The following KIRREL3 variants were observed in gnomAD, a reference collection of about 807,000 sequenced individuals.
KIRREL3 encodes the protein kirre like nephrin family adhesion molecule 3.
KIRREL3 carries 36 observed loss-of-function variants against 89.7 expected under a neutral mutation model. The ratio of observed to expected loss-of-function variants is 0.40; its 90% CI spans 0.31 to 0.53. The LOEUF is 0.53. KIRREL3 is among the 20% of genes least tolerant of loss of function. The probability of loss-of-function intolerance (pLI) is 0.49; values close to 1 mark genes in which losing one functional copy is unlikely to be tolerated. For synonymous variants in KIRREL3, 445 were observed against 441.4 expected (o/e 1.01, Z -0.10); for missense variants, 864 against 1,056.6 (o/e 0.82, Z 2.53).
intron 1 of KIRREL3, among the ~76,000 whole-genome samples, chr11:126,661,713 AG>A (rs1334294379): frequency 6.6e-6 from 1 of 152,214 alleles, no homozygotes; most frequent in African/African-American, 2.4e-5. Context: ...GAATCACCTG[AG>A]GGAGCTAGAA....
rs1220336317 is a variant in KIRREL3, at chr11:126,530,977, C to T, written c.134-4290G>A. 6.6e-6 allele frequency among the ~76,000 whole-genome samples: 1 copy of T among 152,070 alleles called. No individual in the cohort carries two copies. The highest frequency in any genetic ancestry group is 1.5e-5 in the Non-Finnish European group (1 of 68,032). ...TCTTGAGTAGCTGGGATTACAGGCA[C>T]TCACCACCATGTCTGGTAATTTTTG... On this transcript the variant is annotated intron_variant, in intron 2 of 16. Coordinates refer to ENST00000525144, the MANE Select transcript of KIRREL3 (RefSeq NM_032531.4). The surrounding 1 kb of genome is among the most constrained non-coding windows in gnomAD (Gnocchi z 5.8).
chr11:126,556,021 C>T (rs1036694228), intron 2 of KIRREL3, among the ~76,000 whole-genome samples: 8 of 152,342 alleles, frequency 5.3e-5, no homozygotes, highest in South Asian at 2.1e-4. Context: ...GGATTATAGG[C>T]GTGAGCCACC....
chr11:126,547,335 T>C (rs908922122), intron 2 of KIRREL3, among the ~76,000 whole-genome samples: 1 of 152,262 alleles, frequency 6.6e-6, no homozygotes, highest in African/African-American at 2.4e-5. Flanking sequence ...TGAGAAGTTC[T>C]GCAGGAAAGA....
At chr11:126,436,047 C>T (rs1955319368) in intron 12 of KIRREL3, among the ~76,000 whole-genome samples, 1 of 152,224 alleles carries the variant, frequency 6.6e-6, no homozygotes, top group Non-Finnish European at 1.5e-5. Flanking sequence ...GGCTCCCCAT[C>T]CTGTTGTCTG....
In KIRREL3 at chr11:126,555,933, G is replaced by A. The variant is rs1939675130; in HGVS notation, c.133+6902C>T. 6.6e-6 allele frequency among the ~76,000 whole-genome samples: 1 copy of A among 152,036 alleles called. No homozygotes were observed. Among genetic ancestry groups the A allele is most frequent in the Admixed American group, 6.6e-5 (1 of 15,266 alleles). ...TTTTTTGTGTTTTTGGTAGAGGTGG[G>A]GTTTCACTATTTTGGCCAGGCTGGT... is the stretch of plus-strand genomic sequence containing the variant. On this transcript the variant is annotated intron_variant, in intron 2 of 16. Coordinates refer to ENST00000525144, the MANE Select transcript of KIRREL3 (RefSeq NM_032531.4). The surrounding 1 kb of genome is among the most constrained non-coding windows in gnomAD (Gnocchi z 4.2).
intron 1 of KIRREL3, among the ~76,000 whole-genome samples, chr11:126,596,460 GTCTCCTTT>G (rs1942400759): frequency 6.6e-6 from 1 of 152,224 alleles, no homozygotes; most frequent in African/African-American, 2.4e-5. Flanking sequence ...CAGACTCTAG[GTCTCCTTT>G]CACTATACTC....
chr11:126,461,624 T>C (rs1034855359), intron 6 of KIRREL3, among the ~76,000 whole-genome samples: 6 of 152,180 alleles, frequency 3.9e-5, no homozygotes, highest in Non-Finnish European at 7.4e-5. Context: ...TGAGCCTACC[T>C]GAGGTTTTCA....
rs1182869068 is a variant in KIRREL3, at chr11:126,441,915, A to G, written c.1253-1366T>C. Among the ~76,000 whole-genome samples, 1 of 152,116 alleles carries G rather than the reference A, an allele frequency of 6.6e-6. No homozygotes were observed. Among genetic ancestry groups the G allele is most frequent in the South Asian group, 2.1e-4 (1 of 4,824 alleles). Reference sequence around the variant, plus strand: ...GTCTAGGACCCAAAGAGATGAGGAGATTGATGTTTTAGGAACCGGATGGTG... The same window carrying G: ...GTCTAGGACCCAAAGAGATGAGGAGGTTGATGTTTTAGGAACCGGATGGTG... On this transcript the variant is annotated intron_variant, in intron 10 of 16. Coordinates refer to ENST00000525144, the MANE Select transcript of KIRREL3 (RefSeq NM_032531.4). This position sits in a 1 kb window ranked among gnomAD's most constrained non-coding sequence, Gnocchi z 5.0.
Position 126,763,304 on chromosome 11 carries a change from G to T in KIRREL3, c.56-200392C>A, listed in dbSNP as rs1042313657. ...TTCCATGACCAGCCTCATGGCTGAG[G>T]TGCCACTTTCGATACATAAAACAAG... On this transcript the variant is annotated intron_variant, in intron 1 of 16. Coordinates refer to ENST00000525144, the MANE Select transcript of KIRREL3 (RefSeq NM_032531.4). The surrounding 1 kb of genome is among the most constrained non-coding windows in gnomAD (Gnocchi z 4.7). Among the ~76,000 whole-genome samples, 4 of 152,182 alleles carry T rather than the reference G, an allele frequency of 2.6e-5. No homozygotes were observed.
intron 2 of KIRREL3, chr11:126,549,190 G>C (rs1939059527): frequency 6.6e-6 from 1 of 152,136 alleles, no homozygotes; most frequent in East Asian, 1.9e-4. Flanking sequence ...ATATTCCATA[G>C]GCCATTATGT....
At chr11:126,590,249 T>A (rs1942072458) in intron 1 of KIRREL3, among the ~76,000 whole-genome samples, 1 of 145,196 alleles carries the variant, frequency 6.9e-6, no homozygotes, top group Non-Finnish European at 1.5e-5. Context: ...ATTCCAGATG[T>A]AGCCTGATCA....
intron 1 of KIRREL3, among the ~76,000 whole-genome samples, chr11:126,926,026 A>G (rs965006080): frequency 1.3e-5 from 2 of 152,196 alleles, no homozygotes; most frequent in African/African-American, 4.8e-5. Context: ...CTGTCTTCCC[A>G]TGATGTTCTT....
At chr11:126,839,582 A>G (rs561136781) in intron 1 of KIRREL3, among the ~76,000 whole-genome samples, 2 of 152,280 alleles carry the variant, frequency 1.3e-5, no homozygotes, top group African/African-American at 4.8e-5. Context: ...TTTATATTAC[A>G]TACATTTTGT....
Position 126,563,309 on chromosome 11 carries a change from A to C in KIRREL3, c.56-397T>G, listed in dbSNP as rs1264098844. On this transcript the variant is annotated intron_variant, in intron 1 of 16. Transcript: ENST00000525144. This position sits in a 1 kb window ranked among gnomAD's most constrained non-coding sequence, Gnocchi z 6.8. ...AGGCTTGGGGACTATGCTCAGATCA[A>C]CTTGGGACTGTGGCCAGACCTGCCA... is the stretch of plus-strand genomic sequence containing the variant. Among the ~76,000 whole-genome samples, 1 of 152,172 alleles carries C rather than the reference A, an allele frequency of 6.6e-6. No individual in the cohort carries two copies. The highest frequency in any genetic ancestry group is 6.5e-5 in the Admixed American group (1 of 15,272).
rs1246949200 is a variant in KIRREL3 at position 126,440,506 on chromosome 11, G to A, written c.1296C>T (p.His432=). 2 of 1,601,978 alleles carry A rather than the reference G, an allele frequency of 1.2e-6. No individual in the cohort carries two copies. The highest frequency in any genetic ancestry group is 1.7e-6 in the Non-Finnish European group (2 of 1,174,830). The stretch of plus-strand genomic sequence containing the variant: ...AGCACTTGATCTGGCCCTTCTCGCC[G>A]TGGAGGGCGTGCTGGGTCTGGGTGC... ...ISSTQTQHAL[H]GEKGQIKCFI... is the part of the protein sequence containing the mutation. Residue 432 remains histidine (H), a synonymous_variant, in exon 11 of 17, where the codon CAC becomes CAT. Coordinates refer to ENST00000525144, the MANE Select transcript of KIRREL3 (RefSeq NM_032531.4).
chr11:126,998,722 C>T (rs571970618), intron 1 of KIRREL3, among the ~76,000 whole-genome samples: 17 of 152,176 alleles, frequency 1.1e-4, no homozygotes, highest in Non-Finnish European at 2.2e-4. Context: ...ACACCTATAG[C>T]CTTCTTATGC....
chr11:126,545,804 C>T (rs750889520), intron 2 of KIRREL3, among the ~76,000 whole-genome samples: 8 of 152,104 alleles, frequency 5.3e-5, no homozygotes, highest in Admixed American at 2.6e-4. Context: ...GTAGGAAGCA[C>T]AGAGCATGAG....
chr11:126,836,211 C>T (rs540136391), intron 1 of KIRREL3, among the ~76,000 whole-genome samples: 11 of 152,330 alleles, frequency 7.2e-5, no homozygotes, highest in South Asian at 2.1e-4. Context: ...CTGACAGTGG[C>T]TTGGGGACCC....
intron 1 of KIRREL3, among the ~76,000 whole-genome samples, chr11:126,941,330 G>A (rs1463910141): frequency 6.6e-6 from 1 of 152,178 alleles, no homozygotes; most frequent in Non-Finnish European, 1.5e-5. Flanking sequence ...CAGTCTCACT[G>A]TATTTGTCTG....
Sources: gnomAD v4.1 joint callset for allele counts (sites outside exome capture counted in the v4.1 genomes callset) on GRCh38, gnomAD v4.1.1 for gene constraint, Gnocchi (gnomAD v3.1) non-coding constraint, MANE v1.5 for transcripts, NCBI Gene and HGNC (gene_info 2026-07-23, HGNC 2026-07-21) for gene names.